The following PCNX1 variants were observed in gnomAD, a reference collection of about 807,000 sequenced individuals.
PCNX1 encodes the protein pecanex-like protein 1.
PCNX1 carries 78 observed loss-of-function variants against 242.2 expected under a neutral mutation model. That is an observed-to-expected ratio of 0.32 (90% confidence interval 0.27 to 0.39). The LOEUF (loss-of-function observed/expected upper bound fraction) is 0.39. Ranked by LOEUF, PCNX1 falls within the 10% of genes least tolerant of loss-of-function variation. The pLI, the probability that PCNX1 is intolerant of heterozygous loss-of-function variation, is 1.00. For synonymous variants in PCNX1, 1,024 were observed against 1,032.9 expected (o/e 0.99, Z 0.17); for missense variants, 2,581 against 2,856.5 (o/e 0.90, Z 2.20).
intron 3 of PCNX1, among the ~76,000 whole-genome samples, chr14:70,962,624 T>G (rs1177896897): frequency 6.6e-6 from 1 of 152,228 alleles, no homozygotes; most frequent in African/African-American, 2.4e-5. Flanking sequence ...CTTCACATCA[T>G]GTGTATTAGA....
At chr14:71,062,327 C>T (rs954354463) in intron 26 of PCNX1, among the ~76,000 whole-genome samples, 1 of 151,874 alleles carries the variant, frequency 6.6e-6, no homozygotes, top group African/African-American at 2.4e-5. Flanking sequence ...GACCCTGAGC[C>T]TGTGTAGACC....
intron 2 of PCNX1, among the ~76,000 whole-genome samples, chr14:70,948,714 CAT>C (rs1309330528): frequency 2.8e-5 from 4 of 145,120 alleles, no homozygotes; most frequent in African/African-American, 7.5e-5. Context: ...CACACATACA[CAT>C]AAGTGTATAT....
At chr14:71,100,550 CCCTGGTGACTGTATG>C (rs1307669357) in intron 30 of PCNX1, among the ~76,000 whole-genome samples, 1 of 152,122 alleles carries the variant, frequency 6.6e-6, no homozygotes, top group African/African-American at 2.4e-5. Context: ...ACCTTGGACA[CCCTGGTGACTGTATG>C]CCTGGTGATG....
chr14:71,045,095 A>G lies in PCNX1; in HGVS notation c.3868-38A>G, dbSNP rs1230042958. The stretch of plus-strand genomic sequence containing the variant: ...TAGAATTTCTACAATGAGTCTCAAA[A>G]TCACTCCTAATTTTATCACTTCTAT... On this transcript the variant is annotated intron_variant, in intron 19 of 35. Coordinates refer to ENST00000304743, the MANE Select transcript of PCNX1 (RefSeq NM_014982.3). 7.7e-6 allele frequency: 11 copies of G among 1,435,538 alleles called. No individual in the cohort carries two copies. The East Asian group carries it at 9.9e-5, about 13-fold the overall frequency. 88.9% of individuals were successfully genotyped at this position (1,435,538 alleles called of 1,614,324 possible).
rs899215982 is a variant in PCNX1 at position 70,972,211 on chromosome 14, C to T, written c.604+3101C>T. On this transcript the variant is annotated intron_variant, in intron 5 of 35. Transcript: ENST00000304743. Reference sequence around the variant, plus strand: ...TTACGCATCAGGGAGGATGGGGGCCCGCCAACTGAAAGGGGAAAGACTGAG... The same window carrying T: ...TTACGCATCAGGGAGGATGGGGGCCTGCCAACTGAAAGGGGAAAGACTGAG... 5.3e-5 allele frequency among the ~76,000 whole-genome samples: 8 copies of T among 149,728 alleles called. No individual in the cohort carries two copies. The East Asian group carries it at 1.2e-3, about 22-fold the overall frequency.
At chr14:70,975,064 G>A (rs1328754750) in intron 5 of PCNX1, among the ~76,000 whole-genome samples, 1 of 152,030 alleles carries the variant, frequency 6.6e-6, no homozygotes, top group African/African-American at 2.4e-5. Flanking sequence ...TCAGAAGGAA[G>A]TTGGTTTTGA....
intron 2 of PCNX1, among the ~76,000 whole-genome samples, chr14:70,950,554 C>T (rs1595012543): frequency 6.6e-6 from 1 of 152,020 alleles, no homozygotes; most frequent in Non-Finnish European, 1.5e-5. Context: ...ATATGTATTG[C>T]CAAATTCCCA....
chr14:71,005,046 G>A (rs896573347), intron 8 of PCNX1, among the ~76,000 whole-genome samples: 1 of 152,162 alleles, frequency 6.6e-6, no homozygotes, highest in African/African-American at 2.4e-5. Context: ...GGGAAGGTTG[G>A]GGGAGGTAGG....
intron 8 of PCNX1, among the ~76,000 whole-genome samples, chr14:71,006,161 GTGTGTGTGTA>G (rs2059660402): frequency 1.8e-5 from 2 of 113,886 alleles, no homozygotes; most frequent in African/African-American, 6.9e-5. Flanking sequence ...GTGTGTGTGT[GTGTGTGTGTA>G]GAGATGAGGT....
chr14:71,036,937 A>C (rs2060554347), intron 19 of PCNX1, among the ~76,000 whole-genome samples: 1 of 152,122 alleles, frequency 6.6e-6, no homozygotes, highest in South Asian at 2.1e-4. Context: ...ATGTTCTTCC[A>C]TCTGTTTGTA....
At chr14:70,957,543 C>T (rs2058040817) in intron 2 of PCNX1, among the ~76,000 whole-genome samples, 1 of 152,000 alleles carries the variant, frequency 6.6e-6, no homozygotes, top group African/African-American at 2.4e-5. Flanking sequence ...CATATGATTC[C>T]ATTTATATAG....
At chr14:70,962,467 CTT>C in intron 3 of PCNX1, 136 bp downstream of exon 3, 1 of 564,068 alleles carries the variant, frequency 1.8e-6, no homozygotes, top group Non-Finnish European at 3.2e-6. Context: ...TTAATAACAT[CTT>C]TTATTAATAT....
chr14:70,970,176 A>G (rs527323570), intron 5 of PCNX1, among the ~76,000 whole-genome samples: 48 of 152,176 alleles, frequency 3.2e-4, no homozygotes, highest in African/African-American at 1.1e-3. Context: ...CCTGGGTAAC[A>G]TAGTGAGATG....
chr14:70,929,388 T>TTGTA (rs35557661), intron 1 of PCNX1, among the ~76,000 whole-genome samples: 13,620 of 152,178 alleles, frequency 0.09, 716 homozygotes, highest in Admixed American at 0.17. Context: ...TTATCTGACT[T>TTGTA]ATTACAAAGT....
At chr14:71,063,466 C>T (rs955355233) in intron 26 of PCNX1, among the ~76,000 whole-genome samples, 2 of 152,114 alleles carry the variant, frequency 1.3e-5, no homozygotes, top group Non-Finnish European at 2.9e-5. Context: ...TTGTTAGTTT[C>T]GTAGACTGAT....
chr14:71,110,888 A>G lies in PCNX1; in HGVS notation c.*953A>G, dbSNP rs2062741680. The G allele has an allele frequency of 6.6e-6, 1 of 152,658 alleles. No individual in the cohort carries two copies. The highest frequency in any genetic ancestry group is 1.5e-5 in the Non-Finnish European group (1 of 68,036). The allele number at this position is 152,658 out of a possible 1,614,324, so 9.5% of individuals were successfully genotyped here. A position where few individuals can be genotyped will look rare whatever the true frequency, so the allele number is the denominator to read the frequency against. On this transcript the variant is annotated 3_prime_UTR_variant, in exon 36 of 36. Coordinates refer to ENST00000304743, the MANE Select transcript of PCNX1 (RefSeq NM_014982.3). ...GGGAAGAAAACAATTTTCTTTAAGA[A>G]GAAGATGAATGTCCAGGAATTTAAA...
At position 70,977,703 on chromosome 14, in the gene PCNX1, A is replaced by G. The variant is rs531314229; in HGVS notation, c.1366A>G (p.Met456Val). Residue 456 changes from methionine (M) to valine (V), a missense_variant, in exon 6 of 36, where the codon ATG (methionine) becomes GTG (valine). Met to Val is a conservative substitution (Grantham distance 21). Around this residue, in one of 9 missense-constraint regions of PCNX1, gnomAD observed 1,204 missense variants for 1,216.7 expected, o/e 0.99. Coordinates refer to ENST00000304743, the MANE Select transcript of PCNX1 (RefSeq NM_014982.3). ...DKRTSSEKIAMEASTNSGVHE... is the reference protein window; with the variant it reads ...DKRTSSEKIAVEASTNSGVHE... ...AAGGACTAGCAGTGAAAAGATTGCT[A>G]TGGAAGCGAGTACCAACAGTGGGGT... is the stretch of plus-strand genomic sequence containing the variant. The G allele has an allele frequency of 1.2e-5, 20 of 1,614,164 alleles. No individual in the cohort carries two copies. Among genetic ancestry groups the G allele is most frequent in the African/African-American group, 4.0e-5 (3 of 75,050 alleles).
chr14:71,101,482 A>G (rs1463174449), intron 30 of PCNX1, among the ~76,000 whole-genome samples: 1 of 152,142 alleles, frequency 6.6e-6, no homozygotes, highest in Non-Finnish European at 1.5e-5. Context: ...AGGACCCCAA[A>G]TCTGTGCTCA....
At chr14:71,067,730 C>G (rs554509305) in intron 26 of PCNX1, among the ~76,000 whole-genome samples, 1 of 152,248 alleles carries the variant, frequency 6.6e-6, no homozygotes, top group African/African-American at 2.4e-5. Context: ...TCTGCTCTCT[C>G]TTGTGGGCAC....
Sources: gnomAD v4.1 joint callset for allele counts (sites outside exome capture counted in the v4.1 genomes callset) on GRCh38, gnomAD v4.1.1 for gene constraint, gnomAD v4.1.1 regional missense constraint, MANE v1.5 for transcripts, NCBI Gene and HGNC (gene_info 2026-07-23, HGNC 2026-07-21) for gene names.